Variants in GVQW3 observed in about 807,000 individuals in gnomAD.
GVQW3 encodes the protein GVQW motif containing 3.
Under a neutral mutation model 12.5 loss-of-function variants are expected in GVQW3, and 7 were observed. The observed-to-expected ratio is 0.56, with a 90% CI of 0.32 to 1.05. The LOEUF (loss-of-function observed/expected upper bound fraction) is 1.05. GVQW3 is among the 50% of genes least tolerant of loss of function. GVQW3 has a pLI of 0.04. For missense variants in GVQW3, 188 were observed against 190.8 expected, an observed-to-expected ratio of 0.99 and a Z score of 0.09; for synonymous variants, 71 against 67.2, an observed-to-expected ratio of 1.06 and a Z score of -0.28.
Position 76,382,231 on chromosome 11 carries a change from CTT to C in GVQW3, c.404_405del (p.Leu135ArgfsTer11), listed in dbSNP as rs1371594019. 1.6e-5 allele frequency: 25 copies of C among 1,536,048 alleles called. No homozygotes were observed. Among genetic ancestry groups the C allele is most frequent in the Non-Finnish European group, 2.2e-5 (25 of 1,146,886 alleles). On this transcript the variant is annotated frameshift_variant, in exon 1 of 2. Coordinates refer to ENST00000529331, the MANE Select transcript of GVQW3 (RefSeq NM_001347885.2). LOFTEE classifies it high-confidence loss of function. ...GAAGGGTGAGCCTAAACCACGAAAA[CTT>C]GACTTTCGGTCCGATCTTTCAAAGG... is the stretch of plus-strand genomic sequence containing the variant. The part of the protein sequence containing the change: ...VLKGEPKPRK[L>X]DFRSDLSKET...
At chr11:76,408,409 T>G (rs887159404), downstream of GVQW3, 1 of 152,252 alleles carries the variant, frequency 6.6e-6, no homozygotes, top group Non-Finnish European at 1.5e-5. Flanking sequence ...CTTTGACTTT[T>G]ATGATTACTG....
At chr11:76,397,151 G>A (rs371584485) in intron 1 of GVQW3, among the ~76,000 whole-genome samples, 12 of 151,704 alleles carry the variant, frequency 7.9e-5, no homozygotes, top group East Asian at 1.9e-4. Context: ...CTACAGGTGC[G>A]CACCACCACG....
downstream of GVQW3, chr11:76,412,327 C>T (rs1947085008): frequency 6.6e-6 from 1 of 152,140 alleles, no homozygotes; most frequent in Admixed American, 6.5e-5. Context: ...TGATTCATTC[C>T]CCAAAAGGAG....
chr11:76,386,868 G>A (rs776052234), intron 1 of GVQW3, among the ~76,000 whole-genome samples: 2 of 151,938 alleles, frequency 1.3e-5, no homozygotes, highest in Non-Finnish European at 2.9e-5. Flanking sequence ...ATTAATATCC[G>A]GAAACAAAAA....
At position 76,381,995 on chromosome 11, in the gene GVQW3, A is replaced by G; in HGVS notation, c.167A>G (p.Asp56Gly). The change falls in exon 1 of 2, where the codon GAT becomes GGT. Residue 56 changes from aspartate (D) to glycine (G), a missense_variant. Asp to Gly is a moderately conservative substitution (Grantham distance 94). Transcript: ENST00000529331. The stretch of plus-strand genomic sequence containing the variant: ...AAAAGGTTTAAAGAAGGACGGGAAG[A>G]TGTTCGAGATGATGCCCGAAGTGGG... ...WHKRFKEGRE[D>G]VRDDARSGRP... is the part of the protein sequence containing the mutation. 1 of 1,536,414 alleles carries G rather than the reference A, an allele frequency of 6.5e-7. No homozygotes were observed. Among genetic ancestry groups the G allele is most frequent in the Non-Finnish European group, 8.7e-7 (1 of 1,146,970 alleles).
In GVQW3 at chr11:76,382,162, TTGAACA is replaced by T; in HGVS notation, c.338_343del (p.Asn113_Met114del). 1 of 1,536,226 alleles carries T rather than the reference TTGAACA, an allele frequency of 6.5e-7. No individual in the cohort carries two copies. The highest frequency in any genetic ancestry group is 8.7e-7 in the Non-Finnish European group (1 of 1,146,928). ...TGTTAGGCTCATTTTGAAAGAAAACTTGAACATGAGGAAGATTTCTGCAAAAGTTAT... is the reference window on the plus strand; with the variant it reads ...TGTTAGGCTCATTTTGAAAGAAAACTTGAGGAAGATTTCTGCAAAAGTTAT... On this transcript the variant is annotated inframe_deletion, in exon 1 of 2. Transcript: ENST00000529331.
rs1020574718 is a variant in GVQW3 at position 76,407,907 on chromosome 11, T to C, written c.*4149T>C. The stretch of plus-strand genomic sequence containing the variant: ...TGATAAAACAGACTATAAAACCACA[T>C]GCATTATATAGTCCCATTTTTACTT... On this transcript the variant is annotated 3_prime_UTR_variant, in exon 2 of 2. Coordinates refer to ENST00000529331, the MANE Select transcript of GVQW3 (RefSeq NM_001347885.2). 1.3e-5 allele frequency: 2 copies of C among 150,410 alleles called. No homozygotes were observed. Among genetic ancestry groups the C allele is most frequent in the African/African-American group, 4.9e-5 (2 of 40,968 alleles). The allele number at this position is 150,410 out of a possible 1,614,324, so 9.3% of individuals were successfully genotyped here.
At chr11:76,397,565 G>A (rs906807472) in intron 1 of GVQW3, among the ~76,000 whole-genome samples, 1 of 152,134 alleles carries the variant, frequency 6.6e-6, no homozygotes, top group Admixed American at 6.5e-5. Flanking sequence ...GTTTTCACTT[G>A]GTAGGGTTGG....
At chr11:76,392,820 G>T (rs568269828) in intron 1 of GVQW3, 1 of 152,168 alleles carries the variant, frequency 6.6e-6, no homozygotes, top group African/African-American at 2.4e-5. Flanking sequence ...TTCCCAAGTA[G>T]TGTGTTATGT....
At chr11:76,396,193 C>T (rs1946937947) in intron 1 of GVQW3, among the ~76,000 whole-genome samples, 1 of 151,972 alleles carries the variant, frequency 6.6e-6, no homozygotes, top group Non-Finnish European at 1.5e-5. Flanking sequence ...ATTCTTTATC[C>T]CTAGTAATTA....
chr11:76,381,857 T>C lies in GVQW3; in HGVS notation c.29T>C (p.Ile10Thr). The C allele has an allele frequency of 6.5e-7, 1 of 1,535,668 alleles. No individual in the cohort carries two copies. The highest frequency in any genetic ancestry group is 8.7e-7 in the Non-Finnish European group (1 of 1,146,660). The change falls in exon 1 of 2, where the codon ATT (isoleucine) becomes ACT (threonine). Residue 10 changes from isoleucine (I) to threonine (T), a missense_variant. Physicochemically the swap from Ile to Thr is moderately conservative, Grantham distance 89 (BLOSUM62 -1). Transcript: ENST00000529331. The part of the protein sequence containing the change: MSDRYLEQR[I>T]SIKFCVKLNK... ...AGTGACCGCTATTTAGAACAAAGGA[T>C]TAGTATCAAATTTTGCGTGAAATTG...
chr11:76,396,048 T>C (rs1190634821), intron 1 of GVQW3, among the ~76,000 whole-genome samples: 1 of 152,200 alleles, frequency 6.6e-6, no homozygotes, highest in African/African-American at 2.4e-5. Context: ...TGGCCTCTGG[T>C]AGTTTCCTTA....
At chr11:76,393,828 G>A (rs922504564) in intron 1 of GVQW3, among the ~76,000 whole-genome samples, 1 of 151,914 alleles carries the variant, frequency 6.6e-6, no homozygotes, top group Non-Finnish European at 1.5e-5. Flanking sequence ...AGGGTAAATG[G>A]GGTATCCATC....
chr11:76,399,089 CAT>C (rs1463334943), intron 1 of GVQW3, among the ~76,000 whole-genome samples: 7 of 151,150 alleles, frequency 4.6e-5, no homozygotes, highest in Non-Finnish European at 7.4e-5. Flanking sequence ...TGTGACTAGT[CAT>C]GTAATTGTAT....
At chr11:76,383,781 A>ACC (rs879321977) in intron 1 of GVQW3, 5 of 150,794 alleles carry the variant, frequency 3.3e-5, no homozygotes, top group Non-Finnish European at 4.4e-5. Flanking sequence ...CTGTCCCAAA[A>ACC]AAAAAAAAAA....
intron 1 of GVQW3, among the ~76,000 whole-genome samples, chr11:76,398,556 G>A (rs370214247): frequency 8.5e-5 from 13 of 152,102 alleles, no homozygotes; most frequent in East Asian, 3.9e-4. Flanking sequence ...CAGGTGATCC[G>A]CCTGCCATGG....
rs1947032783 is a variant in GVQW3 at position 76,405,729 on chromosome 11, C to T, written c.*1971C>T. ...CTGGAGCGCAGTTGATTGTAGCTCA[C>T]TGCAGCCTCCAACTCCATGGCTCAA... On this transcript the variant is annotated 3_prime_UTR_variant, in exon 2 of 2. Coordinates refer to ENST00000529331, the MANE Select transcript of GVQW3 (RefSeq NM_001347885.2). The T allele has an allele frequency of 6.6e-6, 1 of 152,620 alleles. No individual in the cohort carries two copies. Among genetic ancestry groups the T allele is most frequent in the East Asian group, 1.9e-4 (1 of 5,206 alleles). The allele number at this position is 152,620 out of a possible 1,614,324, so 9.5% of individuals were successfully genotyped here. A position where few individuals can be genotyped will look rare whatever the true frequency, so the allele number is the denominator to read the frequency against.
At chr11:76,402,689 C>T (rs557624579) in intron 1 of GVQW3, among the ~76,000 whole-genome samples, 134 of 152,142 alleles carry the variant, frequency 8.8e-4, no homozygotes, top group Non-Finnish European at 1.7e-3. Flanking sequence ...AACAATAATT[C>T]TGTCAAGTAT....
chr11:76,398,593 G>A (rs1479707710), intron 1 of GVQW3, among the ~76,000 whole-genome samples: 2 of 152,160 alleles, frequency 1.3e-5, no homozygotes, highest in African/African-American at 4.8e-5. Context: ...GATTACAGGT[G>A]TGAGCCACTG....
Sources: allele counts gnomAD v4.1 joint callset (sites outside exome capture counted in the v4.1 genomes callset), GRCh38; gene constraint gnomAD v4.1.1; transcripts MANE v1.5; gene names NCBI Gene and HGNC (gene_info 2026-07-23, HGNC 2026-07-21).